NXPE2: variants seen among roughly 807,000 people sequenced by gnomAD.
NXPE2 encodes NXPE family member 2.
NXPE2 carries 34 observed loss-of-function variants against 34.4 expected under a neutral mutation model. The ratio of observed to expected loss-of-function variants is 0.99; its 90% CI spans 0.75 to 1.31. The LOEUF is 1.31. Among genes scored for constraint, NXPE2 ranks in the 40% most tolerant of loss-of-function variants. The probability of loss-of-function intolerance (pLI) is 0.00; values close to 1 mark genes in which losing one functional copy is unlikely to be tolerated. For synonymous variants in NXPE2, 235 were observed against 231.3 expected (o/e 1.02, Z -0.15); for missense variants, 649 against 672.5 (o/e 0.97, Z 0.39).
the NXPE2 span, among the ~76,000 whole-genome samples, chr11:114,792,033 G>A: frequency 1.5e-4 from 23 of 152,144 alleles, no homozygotes; most frequent in Non-Finnish European, 2.5e-4. Flanking sequence ...ACTCCAGGCT[G>A]GGCGACTGAG....
the NXPE2 span, among the ~76,000 whole-genome samples, chr11:114,619,278 T>A: frequency 6.6e-6 from 1 of 152,124 alleles, no homozygotes; most frequent in Non-Finnish European, 1.5e-5. Flanking sequence ...ACCTGGTGGA[T>A]AATAAGTATT....
At chr11:114,753,909 T>C in the NXPE2 span, among the ~76,000 whole-genome samples, 4 of 152,206 alleles carry the variant, frequency 2.6e-5, no homozygotes, top group Non-Finnish European at 5.9e-5. Context: ...TCATACTTAA[T>C]TGGATGGAAT....
At chr11:114,556,923 C>T in the NXPE2 span, among the ~76,000 whole-genome samples, 6 of 148,158 alleles carry the variant, frequency 4.0e-5, no homozygotes, top group Non-Finnish European at 8.9e-5. Flanking sequence ...GACAGAGTCT[C>T]ACTCTGTTGC....
the NXPE2 span, among the ~76,000 whole-genome samples, chr11:114,666,349 A>G: frequency 6.6e-6 from 1 of 152,178 alleles, no homozygotes; most frequent in Admixed American, 6.6e-5. Flanking sequence ...TAAAAGTCCC[A>G]CAGATCCATA....
the NXPE2 span, among the ~76,000 whole-genome samples, chr11:114,479,694 G>A: frequency 6.6e-6 from 1 of 152,170 alleles, no homozygotes; most frequent in Non-Finnish European, 1.5e-5. Flanking sequence ...GACAGGGCTG[G>A]AGTTTGCATG....
At chr11:114,666,899 T>G in the NXPE2 span, among the ~76,000 whole-genome samples, 1 of 152,136 alleles carries the variant, frequency 6.6e-6, no homozygotes, top group Middle Eastern at 3.2e-3. Context: ...ATACCCACAC[T>G]TCTCTTTATA....
chr11:114,789,876 G>A, the NXPE2 span, among the ~76,000 whole-genome samples: 3 of 152,176 alleles, frequency 2.0e-5, no homozygotes. Flanking sequence ...AAAAGCAGGG[G>A]TTGCATCTTG....
At chr11:114,523,127 C>G in the NXPE2 span, 11 of 1,488,598 alleles carry the variant, frequency 7.4e-6, no homozygotes, top group East Asian at 2.3e-5. Flanking sequence ...ATTTTATTGG[C>G]AAAACTTAGA....
At chr11:114,625,546 C>T in the NXPE2 span, among the ~76,000 whole-genome samples, 1 of 152,312 alleles carries the variant, frequency 6.6e-6, no homozygotes, top group East Asian at 1.9e-4. Context: ...TGAGTAACCA[C>T]TGTTACCCGG....
At chr11:114,727,403 C>T in the NXPE2 span, among the ~76,000 whole-genome samples, 1 of 151,980 alleles carries the variant, frequency 6.6e-6, no homozygotes. Context: ...GTCCTCATGA[C>T]CTGATCATGT....
At chr11:114,590,387 C>G in the NXPE2 span, among the ~76,000 whole-genome samples, 3 of 152,104 alleles carry the variant, frequency 2.0e-5, no homozygotes, top group African/African-American at 4.8e-5. Flanking sequence ...TTCCTCCTTC[C>G]CCCTCCCTAA....
chr11:114,544,003 G>A, the NXPE2 span, among the ~76,000 whole-genome samples: 1 of 152,102 alleles, frequency 6.6e-6, no homozygotes, highest in African/African-American at 2.4e-5. Flanking sequence ...AAAAAGTGAA[G>A]CACTTAAGTA....
At chr11:114,583,824 G>A in the NXPE2 span, 1 of 421,946 alleles carries the variant, frequency 2.4e-6, no homozygotes. Flanking sequence ...TATATTACAG[G>A]CTAGGCCAGG....
At chr11:114,790,691 G>A in the NXPE2 span, among the ~76,000 whole-genome samples, 1 of 152,168 alleles carries the variant, frequency 6.6e-6, no homozygotes, top group Non-Finnish European at 1.5e-5. Flanking sequence ...AGACATTTTA[G>A]CAATCTTGGT....
the NXPE2 span, among the ~76,000 whole-genome samples, chr11:114,632,465 TATATATACTATATAATACTCCATA>T: frequency 7.8e-6 from 1 of 128,922 alleles, no homozygotes; most frequent in East Asian, 2.1e-4. Context: ...AGTTATACAT[TATATATACTATATAATACTCCATA>T]ATATATATTA....
At chr11:114,535,207 A>G in the NXPE2 span, among the ~76,000 whole-genome samples, 1 of 152,310 alleles carries the variant, frequency 6.6e-6, no homozygotes, top group South Asian at 2.1e-4. Flanking sequence ...GGAGAAATAC[A>G]ATACTTTACA....
At chr11:114,722,733 T>C in the NXPE2 span, among the ~76,000 whole-genome samples, 1 of 152,200 alleles carries the variant, frequency 6.6e-6, no homozygotes, top group Non-Finnish European at 1.5e-5. Context: ...ACACTGTTTT[T>C]GGCTTGGAAT....
the NXPE2 span, among the ~76,000 whole-genome samples, chr11:114,557,949 G>T: frequency 0.19 from 28,213 of 151,650 alleles, 3,209 homozygotes; most frequent in African/African-American, 0.31. Context: ...TCAGCACTTT[G>T]AATATGTTAC....
At chr11:114,671,280 A>C in the NXPE2 span, among the ~76,000 whole-genome samples, 1 of 151,496 alleles carries the variant, frequency 6.6e-6, no homozygotes, top group Non-Finnish European at 1.5e-5. Context: ...ATATAAATAG[A>C]TCTTTAGAGA....
Sources: gnomAD v4.1 joint callset for allele counts (sites outside exome capture counted in the v4.1 genomes callset) on GRCh38, gnomAD v4.1.1 for gene constraint, MANE v1.5 for transcripts, NCBI Gene and HGNC (gene_info 2026-07-23, HGNC 2026-07-21) for gene names.